NINJ2: variants seen among roughly 807,000 people sequenced by gnomAD.
NINJ2 encodes the protein ninjurin-2.
In NINJ2, 12 loss-of-function variants were observed where a neutral mutation model predicts 11.7. The ratio of observed to expected loss-of-function variants is 1.02; its 90% CI spans 0.66 to 1.66. NINJ2 has a LOEUF of 1.66. Ranked by LOEUF, NINJ2 falls within the 40% of genes most tolerant of loss-of-function variation. The probability of loss-of-function intolerance (pLI) is 0.00; values close to 1 mark genes in which losing one functional copy is unlikely to be tolerated. For synonymous variants in NINJ2, 93 were observed against 76.8 expected, an observed-to-expected ratio of 1.21 and a Z score of -1.10; for missense variants, 187 against 181.8, an observed-to-expected ratio of 1.03 and a Z score of -0.16.
chr12:627,711 G>A (rs1948225165), intron 1 of NINJ2, among the ~76,000 whole-genome samples: 1 of 152,232 alleles, frequency 6.6e-6, no homozygotes, highest in South Asian at 2.1e-4. Flanking sequence ...CAGACTTTGG[G>A]CGCAGTGACA....
chr12:621,445 C>T (rs1477622539), intron 1 of NINJ2, among the ~76,000 whole-genome samples: 2 of 141,776 alleles, frequency 1.4e-5, no homozygotes, highest in East Asian at 4.1e-4. Flanking sequence ...CAGGGTAAGA[C>T]CCTGTCAAAA....
At chr12:569,276 GC>G (rs1172665286) in intron 1 of NINJ2, among the ~76,000 whole-genome samples, 1 of 152,234 alleles carries the variant, frequency 6.6e-6, no homozygotes, top group Non-Finnish European at 1.5e-5. Flanking sequence ...CTTCACAAAG[GC>G]CCATGGTCGC....
intron 1 of NINJ2, among the ~76,000 whole-genome samples, chr12:637,511 G>A (rs1948366777): frequency 6.7e-6 from 1 of 149,832 alleles, no homozygotes; most frequent in South Asian, 2.1e-4. Context: ...CATGGTGGCA[G>A]GCACCTGAAA....
chr12:583,803 A>G (rs576491680), intron 1 of NINJ2, among the ~76,000 whole-genome samples: 10 of 152,322 alleles, frequency 6.6e-5, no homozygotes, highest in Middle Eastern at 6.8e-3. Flanking sequence ...AGCGGAGTCG[A>G]GACCTGGCCC....
chr12:650,318 G>T (rs984819220), intron 1 of NINJ2, among the ~76,000 whole-genome samples: 3 of 152,234 alleles, frequency 2.0e-5, no homozygotes, highest in African/African-American at 7.2e-5. Flanking sequence ...GTGAGCTCAG[G>T]TGATGTACCA....
intron 1 of NINJ2, among the ~76,000 whole-genome samples, chr12:642,122 C>G (rs1274316535): frequency 6.6e-6 from 1 of 152,212 alleles, no homozygotes; most frequent in Admixed American, 6.5e-5. Context: ...ATTCACTTTC[C>G]TGAACTTCAA....
intron 1 of NINJ2, among the ~76,000 whole-genome samples, chr12:599,696 T>A (rs1330580306): frequency 6.6e-6 from 1 of 152,218 alleles, no homozygotes; most frequent in Admixed American, 6.5e-5. Flanking sequence ...GTTGGGAGAT[T>A]AGGACCACTC....
chr12:569,310 T>A (rs539822790), intron 1 of NINJ2, among the ~76,000 whole-genome samples: 8 of 152,362 alleles, frequency 5.3e-5, no homozygotes, highest in African/African-American at 1.9e-4. Context: ...GGCTGCAACC[T>A]GTGGTCTTAG....
chr12:569,959 GGCGCCGCGGCT>G (rs1173001908), intron 1 of NINJ2, among the ~76,000 whole-genome samples: 1 of 152,156 alleles, frequency 6.6e-6, no homozygotes, highest in Non-Finnish European at 1.5e-5. Context: ...ACGTGACTTG[GGCGCCGCGGCT>G]GCCGGGGGGC....
At position 634,733 on chromosome 12, in the gene NINJ2, C is replaced by T. The variant is rs141009954; in HGVS notation, c.33+28595G>A. On this transcript the variant is annotated intron_variant, in intron 1 of 3. Transcript: ENST00000305108. The stretch of plus-strand genomic sequence containing the variant: ...AAGACAAAATAAAATGTTTGCCCAA[C>T]GCTGACATTTTAAATGCTCATCTGA... 1.1e-3 allele frequency among the ~76,000 whole-genome samples: 175 copies of T among 152,234 alleles called. 1 individual carries two copies. The highest frequency in any genetic ancestry group is 1.9e-3 in the Non-Finnish European group (128 of 68,012).
In NINJ2 at chr12:591,757, G is replaced by A. The variant is rs1469054483; in HGVS notation, c.34-25579C>T. Among the ~76,000 whole-genome samples, 1 of 152,230 alleles carries A rather than the reference G, an allele frequency of 6.6e-6. No individual in the cohort carries two copies. The highest frequency in any genetic ancestry group is 1.5e-5 in the Non-Finnish European group (1 of 68,040). On this transcript the variant is annotated intron_variant, in intron 1 of 3. Coordinates refer to ENST00000305108, the MANE Select transcript of NINJ2 (RefSeq NM_016533.6). This position sits in a 1 kb window ranked among gnomAD's most constrained non-coding sequence, Gnocchi z 5.0. ...TGCAGCTGGGCTGGGGGTGCTGCCA[G>A]ACTTTGTGGGAGCTGGCTGCAAGGG...
At chr12:638,297 G>T (rs1386529796) in intron 1 of NINJ2, among the ~76,000 whole-genome samples, 2 of 152,222 alleles carry the variant, frequency 1.3e-5, no homozygotes. Context: ...CTCTACTCCA[G>T]CCAGGGTTCC....
At chr12:650,140 A>G (rs1937764990) in intron 1 of NINJ2, among the ~76,000 whole-genome samples, 1 of 150,596 alleles carries the variant, frequency 6.6e-6, no homozygotes, top group Admixed American at 6.6e-5. Flanking sequence ...GCTGGAGTGC[A>G]GTGGTGTGAT....
At position 628,547 on chromosome 12, in the gene NINJ2, G is replaced by A. The variant is rs1948235095; in HGVS notation, c.33+34781C>T. 1.3e-5 allele frequency among the ~76,000 whole-genome samples: 2 copies of A among 152,220 alleles called. No homozygotes were observed. Among genetic ancestry groups the A allele is most frequent in the Admixed American group, 6.5e-5 (1 of 15,278 alleles). On this transcript the variant is annotated intron_variant, in intron 1 of 3. Coordinates refer to ENST00000305108, the MANE Select transcript of NINJ2 (RefSeq NM_016533.6). This position sits in a 1 kb window ranked among gnomAD's most constrained non-coding sequence, Gnocchi z 4.4. ...GCATATATAATACGTGTCTATGGCA[G>A]AGGCATTCGAACCAGAATGACTCCA...
At chr12:621,478 AAAAG>A (rs1337906798) in intron 1 of NINJ2, among the ~76,000 whole-genome samples, 3 of 150,396 alleles carry the variant, frequency 2.0e-5, no homozygotes, top group Non-Finnish European at 2.9e-5. Context: ...AAAAGAAAAA[AAAAG>A]AAAGAAAGAA....
At chr12:660,486 G>A (rs556432667) in intron 1 of NINJ2, among the ~76,000 whole-genome samples, 30 of 151,466 alleles carry the variant, frequency 2.0e-4, no homozygotes, top group East Asian at 5.9e-4. Context: ...GACTACAGGC[G>A]TACACCACCA....
At chr12:635,405 T>C (rs1245411527) in intron 1 of NINJ2, among the ~76,000 whole-genome samples, 1 of 152,126 alleles carries the variant, frequency 6.6e-6, no homozygotes, top group African/African-American at 2.4e-5. Context: ...TGGAATAGAA[T>C]AGAGCCCCAA....
intron 1 of NINJ2, among the ~76,000 whole-genome samples, chr12:579,012 C>A (rs1947509754): frequency 6.6e-6 from 1 of 152,196 alleles, no homozygotes; most frequent in Non-Finnish European, 1.5e-5. Context: ...GAAACCTAAA[C>A]ACGGGTAAGT....
intron 1 of NINJ2, among the ~76,000 whole-genome samples, chr12:566,859 A>G (rs12309451): frequency 0.02 from 3,108 of 152,352 alleles, 107 homozygotes; most frequent in African/African-American, 0.07. Flanking sequence ...TTGAAGCATA[A>G]TTTACTAAAG....
Sources: allele counts gnomAD v4.1 joint callset (sites outside exome capture counted in the v4.1 genomes callset), GRCh38; gene constraint gnomAD v4.1.1; non-coding constraint Gnocchi (gnomAD v3.1); transcripts MANE v1.5; gene names NCBI Gene and HGNC (gene_info 2026-07-23, HGNC 2026-07-21).